OS9: variants seen among roughly 807,000 people sequenced by gnomAD.
The protein encoded by OS9 is protein OS-9.
Under a neutral mutation model 84.7 loss-of-function variants are expected in OS9, and 58 were observed. The ratio of observed to expected loss-of-function variants is 0.68; its 90% CI spans 0.55 to 0.85. The LOEUF is 0.85. OS9 is among the 40% of genes least tolerant of loss of function. The pLI is 0.00. For missense variants in OS9, 760 were observed against 850.9 expected (o/e 0.89, Z 1.33); for synonymous variants, 278 against 320.8 (o/e 0.87, Z 1.43).
At chr12:57,710,031 C>T (rs142594409) in intron 5 of OS9, among the ~76,000 whole-genome samples, 4,241 of 151,882 alleles carry the variant, frequency 0.028, 152 homozygotes, top group African/African-American at 0.083. Context: ...TTTTGTATTT[C>T]TAGTAGAGAT....
Position 57,715,764 on chromosome 12 carries a change from TC to T in OS9, c.585del (p.Cys196ValfsTer25). 6.2e-7 allele frequency: 1 copy of T among 1,602,342 alleles called. No individual in the cohort carries two copies. Among genetic ancestry groups the T allele is most frequent in the South Asian group, 1.1e-5 (1 of 89,462 alleles). The part of the protein sequence containing the change: ...GRPREAEVRF[L>X]CDEGAGISGD... ...TCATCCTTTCTGTCCTGGCAGTTCC[TC>T]TGTGACGAGGGTGCAGGTATCTCTG... On this transcript the variant is annotated frameshift_variant, in exon 6 of 15. Coordinates refer to ENST00000315970, the MANE Select transcript of OS9 (RefSeq NM_006812.4). LOFTEE classifies it high-confidence loss of function.
intron 5 of OS9, among the ~76,000 whole-genome samples, chr12:57,714,275 C>T (rs933945690): frequency 4.0e-5 from 6 of 151,876 alleles, no homozygotes; most frequent in East Asian, 1.9e-4. Flanking sequence ...GGTGCGATCT[C>T]GGCTCACCGC....
chr12:57,714,247 C>T (rs546260772), intron 5 of OS9, among the ~76,000 whole-genome samples: 6 of 152,310 alleles, frequency 3.9e-5, no homozygotes, highest in Non-Finnish European at 8.8e-5. Context: ...ACTCTTGTTG[C>T]CCAGGCTGGA....
chr12:57,719,257 G>T, intron 12 of OS9, 75 bp downstream of exon 12: 1 of 1,323,240 alleles, frequency 7.6e-7, no homozygotes, highest in Non-Finnish European at 1.1e-6. Context: ...TCCCAGAGGG[G>T]ACCCTGTTCC....
At chr12:57,707,446 T>C (rs958640582) in intron 5 of OS9, among the ~76,000 whole-genome samples, 3 of 152,074 alleles carry the variant, frequency 2.0e-5, no homozygotes, top group Non-Finnish European at 2.9e-5. Context: ...TCTCACATGG[T>C]GGAAGCAGGA....
chr12:57,720,118 A>AGTCCGG lies in OS9; in HGVS notation c.1630_1635dup (p.Arg544_Val545dup). 6.2e-7 allele frequency: 1 copy of AGTCCGG among 1,613,804 alleles called. No individual in the cohort carries two copies. The stretch of plus-strand genomic sequence containing the variant: ...TCTAAGAGGAGGATCCTGAGCACAG[A>AGTCCGG]GTCCGGGTCCGGGTCACCAAGCTCC... On this transcript the variant is annotated inframe_insertion, in exon 13 of 15. Transcript: ENST00000315970.
chr12:57,720,770 C>T lies in OS9; in HGVS notation c.1879-14C>T. 1 of 1,594,456 alleles carries T rather than the reference C, an allele frequency of 6.3e-7. No homozygotes were observed. The highest frequency in any genetic ancestry group is 8.5e-7 in the Non-Finnish European group (1 of 1,170,200). ...GGCCAGTAGCTCCAGCCCACCTCTA[C>T]CCTCTCCCACCAGGTGCCGGGAGCT... On this transcript the variant is annotated splice_polypyrimidine_tract_variant and intron_variant, in intron 14 of 14. Coordinates refer to ENST00000315970, the MANE Select transcript of OS9 (RefSeq NM_006812.4).
chr12:57,720,788 C>A lies in OS9; in HGVS notation c.1883C>A (p.Pro628Gln). 6.2e-7 allele frequency: 1 copy of A among 1,606,796 alleles called. No individual in the cohort carries two copies. Among genetic ancestry groups the A allele is most frequent in the Non-Finnish European group, 8.5e-7 (1 of 1,176,192 alleles). Reference protein sequence around the residue: ...LKEIFFNILVPGAEEAQKERQ... With the variant: ...LKEIFFNILVQGAEEAQKERQ... The stretch of plus-strand genomic sequence containing the variant: ...ACCTCTACCCTCTCCCACCAGGTGC[C>A]GGGAGCTGAAGAGGCCCAGAAGGAA... Residue 628 changes from proline (P) to glutamine (Q), a missense_variant, in exon 15 of 15, where the codon CCG becomes CAG. Physicochemically the swap from Pro to Gln is moderately conservative, Grantham distance 76 (BLOSUM62 -1). Transcript: ENST00000315970.
At chr12:57,701,196 A>G (rs1169930244) in intron 5 of OS9, among the ~76,000 whole-genome samples, 2 of 151,434 alleles carry the variant, frequency 1.3e-5, no homozygotes, top group Non-Finnish European at 2.9e-5. Flanking sequence ...AGGAGTATCA[A>G]CTTGTTTTTT....
In OS9 at chr12:57,720,786, G is replaced by A; in HGVS notation, c.1881G>A (p.Val627=). 6.2e-7 allele frequency: 1 copy of A among 1,606,076 alleles called. No homozygotes were observed. Among genetic ancestry groups the A allele is most frequent in the Non-Finnish European group, 8.5e-7 (1 of 1,175,810 alleles). Residue 627 remains valine, a splice_region_variant and synonymous_variant, in exon 15 of 15, where the codon GTG becomes GTA. Transcript: ENST00000315970. ...NLKEIFFNIL[V]PGAEEAQKER... ...CCACCTCTACCCTCTCCCACCAGGTGCCGGGAGCTGAAGAGGCCCAGAAGG... is the reference window on the plus strand; with the variant it reads ...CCACCTCTACCCTCTCCCACCAGGTACCGGGAGCTGAAGAGGCCCAGAAGG...
At chr12:57,701,576 TGG>T (rs1421349770) in intron 5 of OS9, among the ~76,000 whole-genome samples, 1 of 149,794 alleles carries the variant, frequency 6.7e-6, no homozygotes, top group Non-Finnish European at 1.5e-5. Flanking sequence ...GTGCCTGGCC[TGG>T]TTGAGTGATT....
intron 5 of OS9, among the ~76,000 whole-genome samples, chr12:57,697,924 TACACACACACACACAC>T (rs61407014): frequency 2.1e-4 from 19 of 91,604 alleles, no homozygotes; most frequent in African/African-American, 6.7e-4. Flanking sequence ...CACACACACA[TACACACACACACACAC>T]ACACACACAC....
At chr12:57,697,230 A>G (rs1953874143) in intron 5 of OS9, among the ~76,000 whole-genome samples, 2 of 152,224 alleles carry the variant, frequency 1.3e-5, no homozygotes, top group Admixed American at 1.3e-4. Context: ...TGCGCAAGTC[A>G]AATGATGTCA....
At position 57,721,009 on chromosome 12, in the gene OS9, G is replaced by A. The variant is rs1954665952; in HGVS notation, c.*100G>A. 1.5e-6 allele frequency: 2 copies of A among 1,366,618 alleles called. No individual in the cohort carries two copies. The highest frequency in any genetic ancestry group is 2.3e-5 in the East Asian group (1 of 42,620). 84.7% of individuals were successfully genotyped at this position (1,366,618 alleles called of 1,614,324 possible). A position where few individuals can be genotyped will look rare whatever the true frequency, so the allele number is the denominator to read the frequency against. Reference sequence around the variant, plus strand: ...CCCTGGAACCCCTGAGGGCCAAACAGCAGAGTGGAGCTGAGCTGTGGACCT... The same window carrying A: ...CCCTGGAACCCCTGAGGGCCAAACAACAGAGTGGAGCTGAGCTGTGGACCT... On this transcript the variant is annotated 3_prime_UTR_variant, in exon 15 of 15. Coordinates refer to ENST00000315970, the MANE Select transcript of OS9 (RefSeq NM_006812.4).
chr12:57,696,232 T>C, intron 4 of OS9, 43 bp from the exon 5 acceptor site: 1 of 1,483,834 alleles, frequency 6.7e-7, no homozygotes, highest in East Asian at 2.3e-5. Context: ...TCCTCTTTGC[T>C]ATCTTTCTCA....
intron 7 of OS9, 100 bp downstream of exon 7, chr12:57,716,293 A>T: frequency 9.9e-7 from 1 of 1,011,386 alleles, no homozygotes; most frequent in Non-Finnish European, 1.5e-6. Context: ...GGGGGGTGGA[A>T]AAGTACCATG....
In OS9 at chr12:57,709,836, C is replaced by T. The variant is rs191730362; in HGVS notation, c.580-5924C>T. ...ATGTGGTCATATATATTATCCCTGA[C>T]GATCCCTTTTTTTTTTTGTTATTAC... On this transcript the variant is annotated intron_variant, in intron 5 of 14. Transcript: ENST00000315970. 2.1e-3 allele frequency among the ~76,000 whole-genome samples: 313 copies of T among 151,650 alleles called. 1 individual carries two copies. Among genetic ancestry groups the T allele is most frequent in the African/African-American group, 7.0e-3 (288 of 41,374 alleles).
chr12:57,696,444 C>G, intron 5 of OS9, 71 bp downstream of exon 5: 3 of 186,204 alleles, frequency 1.6e-5, no homozygotes, highest in Non-Finnish European at 3.0e-5. Context: ...AGGGTTGCAT[C>G]TTATAGTCGG....
intron 6 of OS9, 53 bp downstream of exon 6, chr12:57,716,023 G>A (rs1399717803): frequency 6.3e-7 from 1 of 1,597,684 alleles, no homozygotes; most frequent in Non-Finnish European, 8.6e-7. Flanking sequence ...GCAGGGGGTG[G>A]CAAAAGATCA....
Sources: gnomAD v4.1 joint callset for allele counts (sites outside exome capture counted in the v4.1 genomes callset) on GRCh38, gnomAD v4.1.1 for gene constraint, MANE v1.5 for transcripts, NCBI Gene and HGNC (gene_info 2026-07-23, HGNC 2026-07-21) for gene names.